NDE1: variants seen among roughly 807,000 people sequenced by gnomAD.
NDE1 encodes the protein nudE neurodevelopment protein 1, also known as nuclear distribution protein nudE homolog 1.
In NDE1, 28 loss-of-function variants were observed where a neutral mutation model predicts 43.4. The observed-to-expected ratio is 0.65, with a 90% CI of 0.48 to 0.89. NDE1 has a LOEUF of 0.89. NDE1 is among the 40% of genes least tolerant of loss of function. NDE1 has a pLI of 0.00. For synonymous variants in NDE1, 184 were observed against 172.0 expected, an observed-to-expected ratio of 1.07 and a Z score of -0.55; for missense variants, 441 against 434.1, an observed-to-expected ratio of 1.02 and a Z score of -0.14.
upstream of NDE1, among the ~76,000 whole-genome samples, chr16:15,647,111 A>G (rs2036346649): frequency 6.6e-6 from 1 of 152,228 alleles, no homozygotes; most frequent in Admixed American, 6.5e-5. Flanking sequence ...AGCAGCATGT[A>G]AATGATTCAT....
In NDE1 at chr16:15,724,532, A is replaced by C. The variant is rs1189848318; in HGVS notation, c.*281A>C. On this transcript the variant is annotated 3_prime_UTR_variant, in exon 9 of 9. Coordinates refer to ENST00000396354, the MANE Select transcript of NDE1 (RefSeq NM_017668.3). Reference sequence around the variant, plus strand: ...GTTGGAGAAACCCAATAGCAGGGGAAGCTGGGGGGTCAAGCACCATCGCAC... The same window carrying C: ...GTTGGAGAAACCCAATAGCAGGGGACGCTGGGGGGTCAAGCACCATCGCAC... 6.2e-7 allele frequency: 1 copy of C among 1,606,064 alleles called. No individual in the cohort carries two copies. The highest frequency in any genetic ancestry group is 1.3e-5 in the African/African-American group (1 of 74,762).
At chr16:15,652,688 G>A (rs1013020306) in intron 1 of NDE1, among the ~76,000 whole-genome samples, 2 of 152,004 alleles carry the variant, frequency 1.3e-5, no homozygotes, top group East Asian at 1.9e-4. Flanking sequence ...TTTTGAGACG[G>A]GATCTCACTC....
chr16:15,646,522 G>A (rs1374980544), upstream of NDE1, among the ~76,000 whole-genome samples: 3 of 151,174 alleles, frequency 2.0e-5, no homozygotes, highest in African/African-American at 7.3e-5. Flanking sequence ...AAGAGGTTGC[G>A]GTGAGCCGAG....
At chr16:15,711,674 G>T (rs2039803173) in intron 8 of NDE1, among the ~76,000 whole-genome samples, 1 of 152,116 alleles carries the variant, frequency 6.6e-6, no homozygotes, top group African/African-American at 2.4e-5. Context: ...GGTTCACTCT[G>T]CCTGGTGCTG....
chr16:15,662,967 G>A (rs934204856), intron 1 of NDE1, among the ~76,000 whole-genome samples: 7 of 152,170 alleles, frequency 4.6e-5, no homozygotes, highest in African/African-American at 1.7e-4. Context: ...ACCAGGACCA[G>A]CTTTTTAAGC....
At chr16:15,697,587 C>A (rs2039071373) in intron 8 of NDE1, among the ~76,000 whole-genome samples, 1 of 151,976 alleles carries the variant, frequency 6.6e-6, no homozygotes. Context: ...GTAGCATGTG[C>A]CTATAGTCCC....
At chr16:15,681,219 A>C (rs2038159007) in intron 4 of NDE1, among the ~76,000 whole-genome samples, 1 of 87,090 alleles carries the variant, frequency 1.1e-5, no homozygotes, top group Non-Finnish European at 2.4e-5. Flanking sequence ...CTTTAGGTGG[A>C]TAGCCCAGTT....
rs758547627 is a variant in NDE1, at chr16:15,691,163, C to T, written c.543C>T (p.Ala181=). Residue 181 remains alanine (A), a synonymous_variant, in exon 6 of 9, where the codon GCC becomes GCT. Transcript: ENST00000396354. ...DEARDLRQEL[A]VQQKQEKPRT... is the part of the protein sequence containing the mutation. ...GCACAGATTTGCGGCAGGAACTGGC[C>T]GTGCAGCAGAAGCAGGAGAAACCCA... 17 of 1,613,920 alleles carry T rather than the reference C, an allele frequency of 1.1e-5. No individual in the cohort carries two copies. Among genetic ancestry groups the T allele is most frequent in the African/African-American group, 2.7e-5 (2 of 74,884 alleles).
In NDE1 at chr16:15,712,882, G is replaced by GT. The variant is rs59799809; in HGVS notation, c.948-11296dup. 9.0e-3 allele frequency: 818 copies of GT among 90,470 alleles called. 81 individuals are homozygous for GT. Among genetic ancestry groups the GT allele is most frequent in the Middle Eastern group, 0.018 (4 of 224 alleles). The allele number at this position is 90,470 out of a possible 1,614,324, so 5.6% of individuals were successfully genotyped here. A position where few individuals can be genotyped will look rare whatever the true frequency, so the allele number is the denominator to read the frequency against. On this transcript the variant is annotated intron_variant, in intron 8 of 8. Transcript: ENST00000396354. ...GGGAACCAGCAACTCTTCACATACA[G>GT]TTTTTTTTTTTTTGAGACCGAGTCT... is the stretch of plus-strand genomic sequence containing the variant.
At chr16:15,691,092 G>A (rs2038725091) in intron 5 of NDE1, 52 bp from the exon 6 acceptor site, 1 of 1,611,420 alleles carries the variant, frequency 6.2e-7, no homozygotes, top group Non-Finnish European at 8.5e-7. Context: ...ATAAACATGA[G>A]CCACTGCGCC....
At chr16:15,680,604 A>G (rs1342393825) in intron 4 of NDE1, among the ~76,000 whole-genome samples, 1 of 152,032 alleles carries the variant, frequency 6.6e-6, no homozygotes, top group Non-Finnish European at 1.5e-5. Flanking sequence ...CAGTGGTGTG[A>G]TCTCAGGTCA....
chr16:15,719,922 C>A (rs375253455), intron 8 of NDE1, among the ~76,000 whole-genome samples: 5 of 152,176 alleles, frequency 3.3e-5, no homozygotes, highest in Non-Finnish European at 2.9e-5. Flanking sequence ...GCCTGAGAAG[C>A]TGAGCCCCTG....
In NDE1 at chr16:15,657,162, A is replaced by G. The variant is rs568519225; in HGVS notation, c.-44+6868A>G. ...GTCCAGGTTGGAGTGCAATGGCGTG[A>G]TCTTGGCTCACTGCAACCTCCGCCT... On this transcript the variant is annotated intron_variant, in intron 1 of 8. Transcript: ENST00000396354. Among the ~76,000 whole-genome samples, 18 of 150,962 alleles carry G rather than the reference A, an allele frequency of 1.2e-4. 1 individual carries two copies. Among genetic ancestry groups the G allele is most frequent in the South Asian group, 1.0e-3 (5 of 4,782 alleles).
intron 8 of NDE1, chr16:15,713,287 T>C (rs1251926697): frequency 6.6e-6 from 1 of 150,746 alleles, no homozygotes; most frequent in Non-Finnish European, 1.5e-5. Context: ...TGCACGGAGG[T>C]AGGATGATGA....
chr16:15,698,781 A>G (rs1366991308), intron 8 of NDE1, among the ~76,000 whole-genome samples: 19 of 151,964 alleles, frequency 1.3e-4, no homozygotes, highest in Admixed American at 1.2e-3. Context: ...GAATCACTTG[A>G]ACCCAGGAAG....
chr16:15,669,351 G>A (rs1172992870), intron 3 of NDE1, among the ~76,000 whole-genome samples: 9 of 149,714 alleles, frequency 6.0e-5, no homozygotes, highest in Admixed American at 2.7e-4. Context: ...CCTCCACCAC[G>A]CCTGGCTAAT....
At chr16:15,685,569 G>T (rs1301761209) in intron 4 of NDE1, among the ~76,000 whole-genome samples, 1 of 151,984 alleles carries the variant, frequency 6.6e-6, no homozygotes, top group East Asian at 1.9e-4. Context: ...TTTTTAATCG[G>T]TACTGTGGTA....
chr16:15,715,513 T>G (rs907914742), intron 8 of NDE1, among the ~76,000 whole-genome samples: 1 of 152,170 alleles, frequency 6.6e-6, no homozygotes, highest in Non-Finnish European at 1.5e-5. Context: ...GCAGACAACA[T>G]AGTGTGTGAT....
chr16:15,692,357 G>C (rs1483274291), intron 6 of NDE1, among the ~76,000 whole-genome samples: 1 of 152,216 alleles, frequency 6.6e-6, no homozygotes, highest in Non-Finnish European at 1.5e-5. Flanking sequence ...CCCTTAGCTT[G>C]TCCCCTGGGC....
Sources: gnomAD v4.1 joint callset for allele counts (sites outside exome capture counted in the v4.1 genomes callset) on GRCh38, gnomAD v4.1.1 for gene constraint, MANE v1.5 for transcripts, NCBI Gene and HGNC (gene_info 2026-07-23, HGNC 2026-07-21) for gene names.